Variants in TRIP4 observed in about 807,000 individuals in gnomAD.
The protein encoded by TRIP4 is activating signal cointegrator 1.
In TRIP4, 54 loss-of-function variants were observed where a neutral mutation model predicts 81.8. The ratio of observed to expected loss-of-function variants is 0.66; its 90% confidence interval spans 0.53 to 0.83. The LOEUF is 0.83. TRIP4 is among the 40% of genes least tolerant of loss of function. The probability of loss-of-function intolerance (pLI) is 0.00; values close to 1 mark genes in which losing one functional copy is unlikely to be tolerated. For synonymous variants in TRIP4, 270 were observed against 242.8 expected (o/e 1.11, Z -1.04); for missense variants, 662 against 683.6 (o/e 0.97, Z 0.35).
chr15:64,445,060 C>T lies in TRIP4; in HGVS notation c.1630C>T (p.Pro544Ser). 1.9e-6 allele frequency: 3 copies of T among 1,606,026 alleles called. No homozygotes were observed. Among genetic ancestry groups the T allele is most frequent in the Non-Finnish European group, 2.6e-6 (3 of 1,174,860 alleles). ...DSPFVFICKN[P>S]QEMVVKFPIK... ...TCCATTTGTTTTCATCTGCAAAAATCCTCAGGAAATGGTTGTGAAGTTTCC... is the reference window on the plus strand; with the variant it reads ...TCCATTTGTTTTCATCTGCAAAAATTCTCAGGAAATGGTTGTGAAGTTTCC... Residue 544 changes from proline (P) to serine (S), a missense_variant, in exon 12 of 13, where the codon CCT (proline) becomes TCT (serine). Pro to Ser is a moderately conservative substitution (Grantham distance 74, BLOSUM62 -1). Coordinates refer to ENST00000261884, the MANE Select transcript of TRIP4 (RefSeq NM_016213.5).
At chr15:64,446,298 G>A (rs748663361) in intron 12 of TRIP4, among the ~76,000 whole-genome samples, 4 of 151,786 alleles carry the variant, frequency 2.6e-5, no homozygotes, top group Non-Finnish European at 4.4e-5. Flanking sequence ...AACATTTTAA[G>A]TATTTATTAT....
chr15:64,389,732 A>T (rs1252581370), intron 1 of TRIP4, among the ~76,000 whole-genome samples: 3 of 136,062 alleles, frequency 2.2e-5, no homozygotes, highest in Admixed American at 7.7e-5. Flanking sequence ...TTTTTTTGAG[A>T]CAGATTCTGT....
chr15:64,412,064 A>T (rs766580806), intron 7 of TRIP4, among the ~76,000 whole-genome samples: 20 of 152,238 alleles, frequency 1.3e-4, no homozygotes, highest in African/African-American at 2.9e-4. Flanking sequence ...AGATTTTTTA[A>T]AAAAATTGCC....
chr15:64,409,443 G>A (rs1339469352), intron 6 of TRIP4, among the ~76,000 whole-genome samples, 170 bp from the exon 7 acceptor site: 3 of 152,120 alleles, frequency 2.0e-5, no homozygotes, highest in African/African-American at 7.2e-5. Context: ...CTTGCCTGAG[G>A]TTGAGATAAG....
rs571113505 is a variant in TRIP4, at chr15:64,431,912, C to T, written c.1575+6281C>T. ...TTTTTTTTTTTTTTTGAGACGGAGT[C>T]GTACTCTGTCGTCCAGGGTGGTGGA... On this transcript the variant is annotated intron_variant, in intron 11 of 12. Coordinates refer to ENST00000261884, the MANE Select transcript of TRIP4 (RefSeq NM_016213.5). Among the ~76,000 whole-genome samples, 46 of 103,538 alleles carry T rather than the reference C, an allele frequency of 4.4e-4. 1 individual carries two copies. The highest frequency in any genetic ancestry group is 1.5e-3 in the African/African-American group (40 of 26,250). 67.9% of individuals were successfully genotyped at this position (103,538 alleles called of 152,430 possible).
chr15:64,443,274 G>T (rs1892558985), intron 11 of TRIP4, among the ~76,000 whole-genome samples: 1 of 152,190 alleles, frequency 6.6e-6, no homozygotes, highest in Non-Finnish European at 1.5e-5. Flanking sequence ...CAGAATGTTT[G>T]TGTGTTAATA....
At position 64,451,988 on chromosome 15, in the gene TRIP4, T is replaced by C. The variant is rs1456934125; in HGVS notation, c.1679-3009T>C. 2.0e-5 allele frequency among the ~76,000 whole-genome samples: 3 copies of C among 150,038 alleles called. No homozygotes were observed. In the Admixed American group the frequency reaches 2.0e-4, roughly 10 times the overall value. ...AAAAAATTTTTTTTTTAGACAGGTC[T>C]CACTCTGTTGCCCATGCTGGAGTGC... On this transcript the variant is annotated intron_variant, in intron 12 of 12. Transcript: ENST00000261884.
At chr15:64,395,277 TC>T in intron 2 of TRIP4, 120 bp from the exon 3 acceptor site, 1 of 783,280 alleles carries the variant, frequency 1.3e-6, no homozygotes, top group Non-Finnish European at 1.8e-6. Context: ...TTAAAAATCT[TC>T]CTGATGATAT....
chr15:64,398,244 A>G (rs1039729330), intron 4 of TRIP4, among the ~76,000 whole-genome samples: 3 of 151,244 alleles, frequency 2.0e-5, no homozygotes, highest in Admixed American at 6.6e-5. Context: ...TATCCAGTGA[A>G]CTCGAGTGTC....
chr15:64,406,229 G>A (rs1297673776), intron 5 of TRIP4, 101 bp from the exon 6 acceptor site: 1 of 1,463,310 alleles, frequency 6.8e-7, no homozygotes. Flanking sequence ...AGGCCATCAG[G>A]CCAGAACCAG....
intron 11 of TRIP4, among the ~76,000 whole-genome samples, chr15:64,437,290 C>T (rs936093753): frequency 7.3e-5 from 11 of 151,180 alleles, no homozygotes; most frequent in African/African-American, 2.7e-4. Context: ...AGGCGCATAC[C>T]TATAATCCCA....
rs992834939 is a variant in TRIP4, at chr15:64,409,560, G to A, written c.828-53G>A. On this transcript the variant is annotated intron_variant, in intron 6 of 12. Transcript: ENST00000261884. ...ACCTTGAAACTGTTTTCCAATAATC[G>A]GTCCTTATTTGTCAACAGATGACCT... 8 of 1,520,772 alleles carry A rather than the reference G, an allele frequency of 5.3e-6. No individual in the cohort carries two copies. In the Admixed American group the frequency reaches 6.8e-5, roughly 13 times the overall value. The allele number at this position is 1,520,772 out of a possible 1,614,324, so 94.2% of individuals were successfully genotyped here.
chr15:64,424,056 C>A lies in TRIP4; in HGVS notation c.1384C>A (p.Pro462Thr). The A allele has an allele frequency of 6.2e-7, 1 of 1,614,086 alleles. No homozygotes were observed. The highest frequency in any genetic ancestry group is 8.5e-7 in the Non-Finnish European group (1 of 1,180,018). ...KRVEGRSWYT[P>T]HRGRLWIAAT... ...GGTGGAGGGCAGATCCTGGTACACC[C>A]CCCACAGAGGACGACTTTGGATAGC... is the stretch of plus-strand genomic sequence containing the variant. Residue 462 changes from proline (P) to threonine (T), a missense_variant, in exon 10 of 13, where the codon CCC becomes ACC. Transcript: ENST00000261884.
intron 8 of TRIP4, among the ~76,000 whole-genome samples, 191 bp downstream of exon 8, chr15:64,414,402 CT>C (rs1433694307): frequency 6.6e-6 from 1 of 151,818 alleles, no homozygotes; most frequent in African/African-American, 2.4e-5. Flanking sequence ...TGCAGTACTT[CT>C]GACAAATTGA....
Position 64,418,577 on chromosome 15 carries a change from G to A in TRIP4, c.1207G>A (p.Ala403Thr), listed in dbSNP as rs767197205. ...CACAGGTGCAGCCTCACAGAAGAAG[G>A]CTTTCCGTTCTTCAGGATTTGGACT... ...DHTGAASQKK[A>T]FRSSGFGLEF... Residue 403 changes from alanine (A) to threonine (T), a missense_variant, in exon 9 of 13, where the codon GCT becomes ACT. Physicochemically the swap from Ala to Thr is moderately conservative, Grantham distance 58. Coordinates refer to ENST00000261884, the MANE Select transcript of TRIP4 (RefSeq NM_016213.5). 3 of 1,613,168 alleles carry A rather than the reference G, an allele frequency of 1.9e-6. No homozygotes were observed. In the South Asian group the frequency reaches 3.3e-5, roughly 18 times the overall value.
intron 5 of TRIP4, among the ~76,000 whole-genome samples, chr15:64,404,016 AC>A (rs1348951730): frequency 6.6e-6 from 1 of 151,796 alleles, no homozygotes; most frequent in Admixed American, 6.6e-5. Context: ...ATGTGGAGAA[AC>A]CCCGTCTCTA....
chr15:64,424,785 A>C (rs1490217667), intron 10 of TRIP4, among the ~76,000 whole-genome samples: 1 of 150,996 alleles, frequency 6.6e-6, no homozygotes, highest in Non-Finnish European at 1.5e-5. Context: ...TTTCTTTTTT[A>C]TTTTTTTTTG....
chr15:64,397,172 TCC>T (rs1900320334), intron 3 of TRIP4, among the ~76,000 whole-genome samples: 1 of 152,232 alleles, frequency 6.6e-6, no homozygotes, highest in African/African-American at 2.4e-5. Context: ...GTATTATCTG[TCC>T]TTTTCTTAGT....
rs188857067 is a variant in TRIP4, at chr15:64,392,100, C to T, written c.102-1846C>T. 7.9e-3 allele frequency among the ~76,000 whole-genome samples: 1,181 copies of T among 150,444 alleles called. 5 individuals are homozygous for T. Among genetic ancestry groups the T allele is most frequent in the Non-Finnish European group, 0.012 (799 of 67,736 alleles). On this transcript the variant is annotated intron_variant, in intron 1 of 12. Coordinates refer to ENST00000261884, the MANE Select transcript of TRIP4 (RefSeq NM_016213.5). ...GACCAGCCTGGCCAACATAGTGAAA[C>T]CCCGTCTCTACTAAAAAAAAGCAAA...
Sources: gnomAD v4.1 joint callset for allele counts (sites outside exome capture counted in the v4.1 genomes callset) on GRCh38, gnomAD v4.1.1 for gene constraint, MANE v1.5 for transcripts, NCBI Gene and HGNC (gene_info 2026-07-23, HGNC 2026-07-21) for gene names.